The following DCX variants were observed in gnomAD, a reference collection of about 807,000 sequenced individuals.
DCX encodes neuronal migration protein doublecortin.
A neutral mutation model predicts 20.9 loss-of-function variants in DCX; 4 were observed. That is an observed-to-expected ratio of 0.19 (90% CI 0.09 to 0.44). The LOEUF is 0.44. DCX is among the 20% of genes least tolerant of loss of function. DCX has a pLI of 0.99. For synonymous variants in DCX, 103 were observed against 111.4 expected (o/e 0.92, Z 0.47); for missense variants, 133 against 296.9 (o/e 0.45, Z 4.06).
At chrX:111,317,512 T>C (rs1032261325) in intron 5 of DCX, among the ~76,000 whole-genome samples, 6 of 108,872 alleles carry the variant, frequency 5.5e-5, no homozygotes, top group African/African-American at 2.0e-4. Context: ...AAGGATTTAA[T>C]AATGAAGACA....
intron 6 of DCX, among the ~76,000 whole-genome samples, chrX:111,308,375 C>T (rs1029563585): frequency 9.0e-6 from 1 of 111,611 alleles, no homozygotes; most frequent in Non-Finnish European, 1.9e-5. Flanking sequence ...ATTTCCCAAA[C>T]GTGCCCTGTG....
chrX:111,332,151 C>G lies in DCX; in HGVS notation c.808+900G>C, dbSNP rs1356193890. 3.6e-5 allele frequency among the ~76,000 whole-genome samples: 4 copies of G among 112,390 alleles called. No individual in the cohort carries two copies. In the South Asian group the frequency reaches 1.5e-3, roughly 42 times the overall value. Reference sequence around the variant, plus strand: ...GGAAACTGAGTTAAGCAGAAAGCCCCCTTTTGTTTGTTTCACTTCTTGTTT... The same window carrying G: ...GGAAACTGAGTTAAGCAGAAAGCCCGCTTTTGTTTGTTTCACTTCTTGTTT... On this transcript the variant is annotated intron_variant, in intron 4 of 6. Transcript: ENST00000636035.
At chrX:111,325,574 A>G (rs1036678008) in intron 5 of DCX, among the ~76,000 whole-genome samples, 1 of 112,450 alleles carries the variant, frequency 8.9e-6, no homozygotes, top group African/African-American at 3.2e-5. Context: ...ATTCACGTAA[A>G]AAGATTGTTA....
At chrX:111,358,241 T>C (rs1923919726) in intron 3 of DCX, among the ~76,000 whole-genome samples, 1 of 112,416 alleles carries the variant, frequency 8.9e-6, no homozygotes, top group Non-Finnish European at 1.9e-5. Flanking sequence ...AGAAGCATTG[T>C]GTGCAAATTA....
At chrX:111,325,694 A>G (rs545474350) in intron 5 of DCX, among the ~76,000 whole-genome samples, 16 of 112,354 alleles carry the variant, frequency 1.4e-4, no homozygotes, top group African/African-American at 5.2e-4. Context: ...CAGAACTGAG[A>G]TACGTTGTAA....
intron 3 of DCX, among the ~76,000 whole-genome samples, chrX:111,373,243 C>A (rs768643484): frequency 2.1e-4 from 24 of 112,080 alleles, no homozygotes; most frequent in African/African-American, 7.1e-4. Context: ...CATTATCCTT[C>A]TAGCCCCAGA....
At position 111,387,674 on chromosome X, in the gene DCX, G is replaced by A. The variant is rs145716033; in HGVS notation, c.705+13316C>T. Reference sequence around the variant, plus strand: ...TTTTATCAAGGCTGTAATGTCTCTGGTGAGTAAGACCAGAAATGTTCTGAC... The same window carrying A: ...TTTTATCAAGGCTGTAATGTCTCTGATGAGTAAGACCAGAAATGTTCTGAC... On this transcript the variant is annotated intron_variant, in intron 3 of 6. Coordinates refer to ENST00000636035, the MANE Select transcript of DCX (RefSeq NM_001195553.2). 1.5e-3 allele frequency among the ~76,000 whole-genome samples: 165 copies of A among 111,927 alleles called. 1 individual carries two copies. Among genetic ancestry groups the A allele is most frequent in the African/African-American group, 5.1e-3 (157 of 30,806 alleles).
At chrX:111,306,531 A>T (rs184818796) in intron 6 of DCX, among the ~76,000 whole-genome samples, 5 of 111,771 alleles carry the variant, frequency 4.5e-5, no homozygotes, top group Non-Finnish European at 9.4e-5. Context: ...ACTAGACAGA[A>T]GACCAACAAG....
At chrX:111,384,795 G>A (rs929682871) in intron 3 of DCX, among the ~76,000 whole-genome samples, 1 of 112,497 alleles carries the variant, frequency 8.9e-6, no homozygotes, top group Admixed American at 9.4e-5. Context: ...AGCAGCTTAA[G>A]ATTGGCTATT....
chrX:111,318,596 C>T (rs2095079464), intron 5 of DCX, among the ~76,000 whole-genome samples: 1 of 110,672 alleles, frequency 9.0e-6, no homozygotes, highest in Non-Finnish European at 1.9e-5. Context: ...GCATATACAC[C>T]ATAGAAAACT....
chrX:111,351,778 C>T (rs1038841534), intron 3 of DCX, among the ~76,000 whole-genome samples: 2 of 112,399 alleles, frequency 1.8e-5, no homozygotes, highest in Non-Finnish European at 3.8e-5. Context: ...GACTGGAGTG[C>T]ACTGGTGCGA....
At chrX:111,324,027 C>T (rs1429894003) in intron 5 of DCX, among the ~76,000 whole-genome samples, 1 of 111,274 alleles carries the variant, frequency 9.0e-6, no homozygotes, top group African/African-American at 3.3e-5. Context: ...GGTGTTGAAC[C>T]CGGGAAGCAT....
intron 3 of DCX, among the ~76,000 whole-genome samples, chrX:111,397,297 C>A (rs1239237005): frequency 9.0e-6 from 1 of 111,507 alleles, no homozygotes; most frequent in Non-Finnish European, 1.9e-5. Context: ...CATTCCATAA[C>A]AAATAGTCTT....
At chrX:111,304,957 G>A (rs2095041849) in intron 6 of DCX, among the ~76,000 whole-genome samples, 1 of 111,821 alleles carries the variant, frequency 8.9e-6, no homozygotes, top group East Asian at 2.8e-4. Context: ...ATGCTAAGAT[G>A]GAGTTGTAAA....
At chrX:111,384,205 C>T (rs1222354325) in intron 3 of DCX, among the ~76,000 whole-genome samples, 1 of 111,392 alleles carries the variant, frequency 9.0e-6, no homozygotes, top group Non-Finnish European at 1.9e-5. Flanking sequence ...TGCCCTTGGA[C>T]TATTGCCTTC....
chrX:111,376,604 T>G (rs1301104007), intron 3 of DCX, among the ~76,000 whole-genome samples: 1 of 111,750 alleles, frequency 8.9e-6, no homozygotes, highest in Non-Finnish European at 1.9e-5. Context: ...TTAGTGGTTC[T>G]TAAACACGAG....
chrX:111,353,625 A>G (rs996172600), intron 3 of DCX, among the ~76,000 whole-genome samples: 4 of 111,753 alleles, frequency 3.6e-5, no homozygotes, highest in African/African-American at 1.3e-4. Context: ...TATAAAATCT[A>G]TATGATAAAG....
intron 3 of DCX, among the ~76,000 whole-genome samples, chrX:111,368,901 TACACAC>T (rs200777698): frequency 4.1e-5 from 4 of 98,262 alleles, no homozygotes; most frequent in South Asian, 4.6e-4. Context: ...TATATATACA[TACACAC>T]ACACACACAC....
At chrX:111,368,901 TACAC>T (rs200777698) in intron 3 of DCX, among the ~76,000 whole-genome samples, 3,595 of 98,242 alleles carry the variant, frequency 0.037, 82 homozygotes, top group Non-Finnish European at 0.055. Flanking sequence ...TATATATACA[TACAC>T]ACACACACAC....
Sources: gnomAD v4.1 joint callset for allele counts (sites outside exome capture counted in the v4.1 genomes callset) on GRCh38, gnomAD v4.1.1 for gene constraint, MANE v1.5 for transcripts, NCBI Gene and HGNC (gene_info 2026-07-23, HGNC 2026-07-21) for gene names.